The following MYO1D variants were observed in gnomAD, a reference collection of about 807,000 sequenced individuals.
MYO1D encodes unconventional myosin-Id.
In MYO1D, 83 loss-of-function variants were observed where a neutral mutation model predicts 122.0. That is an observed-to-expected ratio of 0.68 (90% confidence interval 0.57 to 0.82). MYO1D has a LOEUF of 0.82. Ranked by LOEUF, MYO1D falls within the 40% of genes least tolerant of loss-of-function variation. MYO1D has a pLI of 0.00. For missense variants in MYO1D, 1,157 were observed against 1,269.5 expected (o/e 0.91, Z 1.35); for synonymous variants, 464 against 446.9 (o/e 1.04, Z -0.48).
intron 16 of MYO1D, among the ~76,000 whole-genome samples, chr17:32,695,508 A>G (rs1291403798): frequency 6.6e-6 from 1 of 152,172 alleles, no homozygotes; most frequent in Non-Finnish European, 1.5e-5. Flanking sequence ...ACACAGATCT[A>G]TTTAACAGTC....
At chr17:32,617,911 T>TAA (rs2087796652) in intron 20 of MYO1D, among the ~76,000 whole-genome samples, 2 of 152,212 alleles carry the variant, frequency 1.3e-5, no homozygotes, top group South Asian at 4.1e-4. Context: ...ACACATCAGA[T>TAA]AAACAGTAAA....
chr17:32,506,551 A>C (rs1909508518), intron 21 of MYO1D, among the ~76,000 whole-genome samples: 2 of 152,340 alleles, frequency 1.3e-5, no homozygotes, highest in South Asian at 4.1e-4. Context: ...AAGGCAGGAA[A>C]GGGGAACAAA....
chr17:32,784,334 T>C (rs906075619), intron 1 of MYO1D, among the ~76,000 whole-genome samples: 6 of 152,316 alleles, frequency 3.9e-5, no homozygotes, highest in South Asian at 2.1e-4. Context: ...TTCTTCCCCA[T>C]GTGCTTGCCA....
intron 20 of MYO1D, among the ~76,000 whole-genome samples, chr17:32,621,577 C>T (rs1353560916): frequency 6.6e-6 from 1 of 152,130 alleles, no homozygotes; most frequent in African/African-American, 2.4e-5. Context: ...TTATCAAAGC[C>T]AACCCTTAAT....
intron 20 of MYO1D, among the ~76,000 whole-genome samples, chr17:32,627,562 C>T (rs191112572): frequency 6.6e-6 from 1 of 152,240 alleles, no homozygotes; most frequent in East Asian, 1.9e-4. Context: ...TTTACCTTTA[C>T]AAAACAGTCA....
At chr17:32,794,962 G>T (rs921764890) in intron 1 of MYO1D, among the ~76,000 whole-genome samples, 1 of 152,138 alleles carries the variant, frequency 6.6e-6, no homozygotes, top group Admixed American at 6.6e-5. Flanking sequence ...TGGAGCAGTA[G>T]AGAGACAGAG....
In MYO1D at chr17:32,720,296, A is replaced by C. The variant is rs1389205034; in HGVS notation, c.1913+727T>G. Among the ~76,000 whole-genome samples the C allele has an allele frequency of 2.6e-5, 4 of 152,170 alleles. No homozygotes were observed. The East Asian group carries it at 7.7e-4, about 29-fold the overall frequency. On this transcript the variant is annotated intron_variant, in intron 15 of 21. Transcript: ENST00000318217. Reference sequence around the variant, plus strand: ...ACAATAGCAACAATATATTACACTTATTGAGTGATTACTTTACGGAGGTAC... The same window carrying C: ...ACAATAGCAACAATATATTACACTTCTTGAGTGATTACTTTACGGAGGTAC...
At chr17:32,651,010 A>C (rs2088380549) in intron 19 of MYO1D, among the ~76,000 whole-genome samples, 1 of 152,160 alleles carries the variant, frequency 6.6e-6, no homozygotes, top group Admixed American at 6.5e-5. Context: ...TATTCCTATA[A>C]AAATTTTTTG....
intron 20 of MYO1D, among the ~76,000 whole-genome samples, chr17:32,619,624 T>C (rs1472759558): frequency 6.6e-6 from 1 of 152,224 alleles, no homozygotes; most frequent in South Asian, 2.1e-4. Flanking sequence ...CACGTAACCA[T>C]TGATTTAGGT....
At chr17:32,782,748 C>A (rs984365623) in intron 1 of MYO1D, among the ~76,000 whole-genome samples, 1 of 152,094 alleles carries the variant, frequency 6.6e-6, no homozygotes, top group African/African-American at 2.4e-5. Context: ...CCAGCCTGGG[C>A]AACATAGTGA....
intron 21 of MYO1D, among the ~76,000 whole-genome samples, chr17:32,553,572 T>A (rs1335870596): frequency 6.6e-6 from 1 of 152,210 alleles, no homozygotes; most frequent in East Asian, 1.9e-4. Context: ...GGCCTAGGTA[T>A]CTTGCTAGAA....
intron 21 of MYO1D, among the ~76,000 whole-genome samples, chr17:32,600,221 T>C (rs1442667060): frequency 6.6e-6 from 1 of 152,234 alleles, no homozygotes; most frequent in Non-Finnish European, 1.5e-5. Context: ...AATCCAGGCC[T>C]TGTGTTTCAT....
chr17:32,803,778 A>T (rs1483943767), intron 1 of MYO1D, among the ~76,000 whole-genome samples: 1 of 152,232 alleles, frequency 6.6e-6, no homozygotes, highest in Non-Finnish European at 1.5e-5. Flanking sequence ...GCTGGCAAGG[A>T]TTGATTCCAT....
chr17:32,680,834 T>C (rs2088903636), intron 16 of MYO1D, among the ~76,000 whole-genome samples: 1 of 152,190 alleles, frequency 6.6e-6, no homozygotes, highest in Non-Finnish European at 1.5e-5. Flanking sequence ...TGGTACCAGT[T>C]CCTCCTTGTA....
At chr17:32,708,615 A>G (rs898582915) in intron 16 of MYO1D, among the ~76,000 whole-genome samples, 20 of 152,208 alleles carry the variant, frequency 1.3e-4, no homozygotes, top group African/African-American at 4.8e-4. Flanking sequence ...AAGCCCAGAG[A>G]AATTTCCTCC....
At chr17:32,510,909 C>G (rs1052426409) in intron 21 of MYO1D, 4 of 150,968 alleles carry the variant, frequency 2.6e-5, no homozygotes, top group Non-Finnish European at 5.9e-5. Flanking sequence ...CTTTCAAAAC[C>G]AGAGTTAAAG....
intron 21 of MYO1D, among the ~76,000 whole-genome samples, chr17:32,539,106 TTAAAA>T (rs1214496900): frequency 6.6e-6 from 1 of 152,230 alleles, no homozygotes; most frequent in South Asian, 2.1e-4. Context: ...ATCCTGGAAC[TTAAAA>T]TAAATAAATA....
At chr17:32,759,996 A>G (rs2089982938) in intron 10 of MYO1D, 2 of 597,626 alleles carry the variant, frequency 3.3e-6, no homozygotes, top group South Asian at 4.4e-5. Flanking sequence ...AAAGTATGCT[A>G]AACCTAACAG....
intron 21 of MYO1D, among the ~76,000 whole-genome samples, chr17:32,541,519 CTG>C (rs1228420541): frequency 6.6e-6 from 1 of 152,156 alleles, no homozygotes; most frequent in Non-Finnish European, 1.5e-5. Flanking sequence ...TTGCACAACT[CTG>C]AATATACTAG....
Sources: allele counts gnomAD v4.1 joint callset (sites outside exome capture counted in the v4.1 genomes callset), GRCh38; gene constraint gnomAD v4.1.1; transcripts MANE v1.5; gene names NCBI Gene and HGNC (gene_info 2026-07-23, HGNC 2026-07-21).